CDH20: variants seen among roughly 807,000 people sequenced by gnomAD.
CDH20 encodes the protein cadherin 20, also known as cadherin-20.
Under a neutral mutation model 74.2 loss-of-function variants are expected in CDH20, and 29 were observed. The observed-to-expected ratio is 0.39, with a 90% CI of 0.29 to 0.53. CDH20 has a LOEUF of 0.53. Ranked by LOEUF, CDH20 falls within the 20% of genes least tolerant of loss-of-function variation. CDH20 has a pLI of 0.69. For missense variants in CDH20, 988 were observed against 1,048.3 expected, an observed-to-expected ratio of 0.94 and a Z score of 0.79; for synonymous variants, 469 against 405.4, an observed-to-expected ratio of 1.16 and a Z score of -1.88.
At chr18:61,340,803 C>T (rs536659537) in intron 1 of CDH20, among the ~76,000 whole-genome samples, 19 of 152,114 alleles carry the variant, frequency 1.2e-4, no homozygotes, top group African/African-American at 1.9e-4. Flanking sequence ...AGCCAACAGA[C>T]GTAATTTCCT....
chr18:61,486,555 T>C (rs773617328), intron 1 of CDH20, among the ~76,000 whole-genome samples: 6 of 152,192 alleles, frequency 3.9e-5, no homozygotes, highest in Non-Finnish European at 7.3e-5. Context: ...TGACATTAAG[T>C]TGCATTCTGA....
rs563076794 is a variant in CDH20 at position 61,387,014 on chromosome 18, G to T, written c.-153+53187G>T. On this transcript the variant is annotated intron_variant, in intron 1 of 11. Coordinates refer to ENST00000262717, the MANE Select transcript of CDH20 (RefSeq NM_031891.4). The stretch of plus-strand genomic sequence containing the variant: ...GTTATAACTCTTATACTTAAAAAAA[G>T]TTATAAATATGAAAGTGCCTAAATT... Among the ~76,000 whole-genome samples the T allele has an allele frequency of 6.2e-4, 94 of 152,250 alleles. 1 individual carries two copies. The South Asian group carries it at 0.019, about 30-fold the overall frequency.
chr18:61,510,930 G>A (rs1246362362), intron 6 of CDH20, among the ~76,000 whole-genome samples: 1 of 151,026 alleles, frequency 6.6e-6, no homozygotes, highest in East Asian at 1.9e-4. Flanking sequence ...GTAAATAAGG[G>A]AAATGCTCAA....
At chr18:61,443,456 C>T (rs551375031) in intron 1 of CDH20, among the ~76,000 whole-genome samples, 99 of 152,192 alleles carry the variant, frequency 6.5e-4, no homozygotes, top group African/African-American at 2.1e-3. Context: ...GTGTTGACAA[C>T]GGTATGCAGG....
intron 1 of CDH20, among the ~76,000 whole-genome samples, chr18:61,405,920 C>T (rs1308551853): frequency 6.6e-6 from 1 of 152,156 alleles, no homozygotes; most frequent in South Asian, 2.1e-4. Context: ...TGCAGAAGGT[C>T]CCTTCTTTGT....
At chr18:61,550,349 G>C in intron 11 of CDH20, 120 bp downstream of exon 11, 2 of 1,258,576 alleles carry the variant, frequency 1.6e-6, no homozygotes, top group African/African-American at 3.0e-5. Flanking sequence ...TTACTCAAAA[G>C]GTGGTAGAGT....
At chr18:61,431,229 C>T (rs1258688859) in intron 1 of CDH20, among the ~76,000 whole-genome samples, 1 of 152,066 alleles carries the variant, frequency 6.6e-6, no homozygotes, top group Non-Finnish European at 1.5e-5. Flanking sequence ...AAACATCAGA[C>T]AAACCCAAAT....
At chr18:61,533,577 T>C (rs904466425) in intron 7 of CDH20, among the ~76,000 whole-genome samples, 4 of 152,250 alleles carry the variant, frequency 2.6e-5, no homozygotes, top group African/African-American at 9.6e-5. Context: ...AATCTGTGGG[T>C]TGTCTCTTCA....
Position 61,493,418 on chromosome 18 carries a change from T to C in CDH20, c.246+2619T>C, listed in dbSNP as rs145727582. On this transcript the variant is annotated intron_variant, in intron 2 of 11. Coordinates refer to ENST00000262717, the MANE Select transcript of CDH20 (RefSeq NM_031891.4). Reference sequence around the variant, plus strand: ...CTTTCCATCATGTTGCTCCTCTGATTAAGAAAGCACTACAGTGCTTTTGAA... The same window carrying C: ...CTTTCCATCATGTTGCTCCTCTGATCAAGAAAGCACTACAGTGCTTTTGAA... Among the ~76,000 whole-genome samples, 77 of 152,298 alleles carry C rather than the reference T, an allele frequency of 5.1e-4. No homozygotes were observed. The East Asian group carries it at 0.014, about 28-fold the overall frequency.
intron 1 of CDH20, among the ~76,000 whole-genome samples, chr18:61,341,422 GCC>G (rs34235466): frequency 8.6e-5 from 13 of 151,212 alleles, no homozygotes; most frequent in East Asian, 3.9e-4. Context: ...ACTGCCTTGA[GCC>G]CCCCCCCCGC....
intron 1 of CDH20, among the ~76,000 whole-genome samples, chr18:61,358,934 T>C (rs1337624126): frequency 1.3e-5 from 2 of 152,118 alleles, no homozygotes; most frequent in Non-Finnish European, 2.9e-5. Context: ...TGGACTTTTT[T>C]TTCTGAGTGA....
chr18:61,500,253 CT>C, intron 3 of CDH20, 129 bp from the exon 4 acceptor site: 1 of 853,712 alleles, frequency 1.2e-6, no homozygotes, highest in Non-Finnish European at 1.8e-6. Context: ...GTTATGGAAG[CT>C]TGACCTAGAA....
intron 1 of CDH20, among the ~76,000 whole-genome samples, chr18:61,386,638 A>G (rs1225004022): frequency 6.6e-6 from 1 of 152,240 alleles, no homozygotes; most frequent in Non-Finnish European, 1.5e-5. Context: ...TTGAAATTTT[A>G]TATCTAGCAT....
intron 1 of CDH20, among the ~76,000 whole-genome samples, chr18:61,436,881 G>A (rs1908856881): frequency 6.6e-6 from 1 of 152,100 alleles, no homozygotes; most frequent in South Asian, 2.1e-4. Flanking sequence ...TACAGCCTGG[G>A]ACAATAAATA....
intron 6 of CDH20, among the ~76,000 whole-genome samples, chr18:61,508,633 A>G (rs1911666756): frequency 1.3e-5 from 2 of 151,748 alleles, no homozygotes; most frequent in Admixed American, 6.6e-5. Context: ...TATTATTATT[A>G]TTATTATTAT....
intron 5 of CDH20, among the ~76,000 whole-genome samples, chr18:61,506,860 G>GC (rs939308133): frequency 1.3e-5 from 2 of 152,026 alleles, no homozygotes; most frequent in Admixed American, 6.5e-5. Flanking sequence ...CTCCACGGCT[G>GC]CCCCCCCTTT....
intron 1 of CDH20, among the ~76,000 whole-genome samples, chr18:61,356,943 T>A (rs1358462160): frequency 1.3e-5 from 2 of 152,172 alleles, no homozygotes; most frequent in Non-Finnish European, 2.9e-5. Context: ...TTAAAGAGTG[T>A]CTCCTAATTC....
chr18:61,355,240 A>G (rs1037827258), intron 1 of CDH20, among the ~76,000 whole-genome samples: 1 of 152,268 alleles, frequency 6.6e-6, no homozygotes, highest in East Asian at 1.9e-4. Context: ...TTAGCATTCA[A>G]TAGAAGAACC....
At chr18:61,409,684 G>A (rs771991428) in intron 1 of CDH20, among the ~76,000 whole-genome samples, 7 of 152,136 alleles carry the variant, frequency 4.6e-5, no homozygotes, top group African/African-American at 1.4e-4. Context: ...TTAAAATTGC[G>A]CGTGAGGATG....
Sources: allele counts gnomAD v4.1 joint callset (sites outside exome capture counted in the v4.1 genomes callset), GRCh38; gene constraint gnomAD v4.1.1; transcripts MANE v1.5; gene names NCBI Gene and HGNC (gene_info 2026-07-23, HGNC 2026-07-21).